Variants in RNF150 observed in about 807,000 individuals in gnomAD.
RNF150 encodes ring finger protein 150.
A neutral mutation model predicts 39.3 loss-of-function variants in RNF150; 24 were observed. The ratio of observed to expected loss-of-function variants is 0.61; its 90% confidence interval spans 0.44 to 0.86. The LOEUF (loss-of-function observed/expected upper bound fraction) is 0.86. Ranked by LOEUF, RNF150 falls within the 40% of genes least tolerant of loss-of-function variation. The pLI is 0.00. For missense variants in RNF150, 502 were observed against 587.8 expected, an observed-to-expected ratio of 0.85 and a Z score of 1.51; for synonymous variants, 255 against 227.3, an observed-to-expected ratio of 1.12 and a Z score of -1.10.
At chr4:140,885,834 C>T (rs1236961962) in intron 6 of RNF150, among the ~76,000 whole-genome samples, 1 of 152,062 alleles carries the variant, frequency 6.6e-6, no homozygotes, top group Non-Finnish European at 1.5e-5. Context: ...AAACTCCTGA[C>T]CTCAAGGGAT....
intron 2 of RNF150, among the ~76,000 whole-genome samples, chr4:140,949,899 A>G (rs907447554): frequency 3.9e-5 from 6 of 152,120 alleles, no homozygotes; most frequent in Non-Finnish European, 7.4e-5. Flanking sequence ...TGGCAATTTT[A>G]CCTCCTTTAT....
At chr4:140,956,586 A>G (rs185047711) in intron 2 of RNF150, among the ~76,000 whole-genome samples, 11 of 152,346 alleles carry the variant, frequency 7.2e-5, no homozygotes, top group Admixed American at 6.5e-4. Flanking sequence ...TGGCAGATTC[A>G]ACCAATAATG....
intron 1 of RNF150, among the ~76,000 whole-genome samples, chr4:141,101,984 G>A (rs540875345): frequency 6.6e-6 from 1 of 152,146 alleles, no homozygotes; most frequent in South Asian, 2.1e-4. Flanking sequence ...ATTTCACCAT[G>A]TTGGCCAGGA....
chr4:141,171,158 C>T (rs1203711049), intron 1 of RNF150, among the ~76,000 whole-genome samples: 1 of 152,172 alleles, frequency 6.6e-6, no homozygotes, highest in African/African-American at 2.4e-5. Context: ...TAAAGAATGA[C>T]TTGTAAAAGA....
chr4:140,943,183 C>A (rs1054842513), intron 4 of RNF150, among the ~76,000 whole-genome samples: 4 of 152,174 alleles, frequency 2.6e-5, no homozygotes, highest in Admixed American at 2.0e-4. Flanking sequence ...AGAGCTTGAT[C>A]AACTTCTGTC....
intron 4 of RNF150, among the ~76,000 whole-genome samples, chr4:140,935,044 T>A (rs9995077): frequency 0.24 from 1,018 of 4,320 alleles, 13 homozygotes; most frequent in Non-Finnish European, 0.37. Context: ...TATATATATA[T>A]AAATATATAT....
At chr4:141,119,023 A>T (rs1163438928) in intron 1 of RNF150, among the ~76,000 whole-genome samples, 2 of 152,178 alleles carry the variant, frequency 1.3e-5, no homozygotes, top group East Asian at 3.8e-4. Flanking sequence ...GGCCTCTCAA[A>T]GTGCAAGGAT....
At chr4:141,204,018 TTCAG>T (rs1199714448) in intron 1 of RNF150, among the ~76,000 whole-genome samples, 1 of 152,162 alleles carries the variant, frequency 6.6e-6, no homozygotes, top group Non-Finnish European at 1.5e-5. Context: ...AATGCAGCCA[TTCAG>T]GAACTGAAAG....
intron 1 of RNF150, among the ~76,000 whole-genome samples, chr4:141,129,292 A>T (rs1224591863): frequency 6.6e-6 from 1 of 152,240 alleles, no homozygotes; most frequent in Non-Finnish European, 1.5e-5. Context: ...AAAAGGGTTT[A>T]AGTACTGACG....
chr4:141,080,193 C>A (rs1738096558), intron 1 of RNF150, among the ~76,000 whole-genome samples: 1 of 152,214 alleles, frequency 6.6e-6, no homozygotes, highest in South Asian at 2.1e-4. Flanking sequence ...TTACCTGCAG[C>A]TGCAAAATCA....
At chr4:141,013,440 A>G (rs1028240978) in intron 1 of RNF150, among the ~76,000 whole-genome samples, 5 of 152,254 alleles carry the variant, frequency 3.3e-5, no homozygotes, top group African/African-American at 9.6e-5. Flanking sequence ...TGAGGTATCT[A>G]TAAGTTAAAT....
At chr4:140,872,384 T>C (rs2220344) in intron 6 of RNF150, among the ~76,000 whole-genome samples, 21,478 of 152,232 alleles carry the variant, frequency 0.14, 1,814 homozygotes, top group East Asian at 0.39. Context: ...TCTTAGTCCA[T>C]TTGACATAGT....
intron 1 of RNF150, among the ~76,000 whole-genome samples, chr4:141,043,760 T>C (rs934638144): frequency 1.3e-5 from 2 of 152,082 alleles, no homozygotes; most frequent in Non-Finnish European, 2.9e-5. Flanking sequence ...CTCTTCTATA[T>C]TATGGGAAAG....
intron 1 of RNF150, among the ~76,000 whole-genome samples, chr4:141,156,929 A>G (rs1172090456): frequency 1.3e-5 from 2 of 152,080 alleles, no homozygotes; most frequent in South Asian, 2.1e-4. Context: ...CATATGCTAT[A>G]GATGATTAAA....
At chr4:141,043,935 C>T (rs1736463056) in intron 1 of RNF150, among the ~76,000 whole-genome samples, 1 of 152,104 alleles carries the variant, frequency 6.6e-6, no homozygotes, top group Non-Finnish European at 1.5e-5. Context: ...ACAGAGAATC[C>T]AAGGAACTAA....
chr4:140,940,163 C>T (rs1384686347), intron 4 of RNF150, among the ~76,000 whole-genome samples: 1 of 152,150 alleles, frequency 6.6e-6, no homozygotes, highest in Admixed American at 6.5e-5. Context: ...CTCTCCAGCC[C>T]CATCGCCAAC....
intron 6 of RNF150, among the ~76,000 whole-genome samples, chr4:140,887,735 A>T (rs1729631377): frequency 6.6e-6 from 1 of 152,208 alleles, no homozygotes; most frequent in Non-Finnish European, 1.5e-5. Context: ...CAAGCTGCAG[A>T]ACACAGCAAA....
chr4:141,062,978 T>C (rs1737298326), intron 1 of RNF150, among the ~76,000 whole-genome samples: 1 of 152,178 alleles, frequency 6.6e-6, no homozygotes, highest in Admixed American at 6.6e-5. Context: ...ATGGCATCCA[T>C]GTTGATGCAA....
rs374509935 is a variant in RNF150 at position 140,999,985 on chromosome 4, A to AGAAGAAG, written c.485-32113_485-32112insCTTCTTC. 8.7e-4 allele frequency among the ~76,000 whole-genome samples: 34 copies of AGAAGAAG among 38,980 alleles called. 3 individuals carry two copies. The highest frequency in any genetic ancestry group is 1.8e-3 in the African/African-American group (24 of 13,190). The allele number at this position is 38,980 out of a possible 152,430, so 25.6% of individuals were successfully genotyped here. A position where few individuals can be genotyped will look rare whatever the true frequency, so the allele number is the denominator to read the frequency against. The stretch of plus-strand genomic sequence containing the variant: ...GAAGAAGAAGAAGAAGAAAAGAAGA[A>AGAAGAAG]AAGAAGAAAAGAAGAAGAAGAAGAA... On this transcript the variant is annotated intron_variant, in intron 1 of 6. Transcript: ENST00000515673.
Sources: allele counts gnomAD v4.1 joint callset (sites outside exome capture counted in the v4.1 genomes callset), GRCh38; gene constraint gnomAD v4.1.1; transcripts MANE v1.5; gene names NCBI Gene and HGNC (gene_info 2026-07-23, HGNC 2026-07-21).